The following CDH4 variants were observed in gnomAD, a reference collection of about 807,000 sequenced individuals.
The protein encoded by CDH4 is cadherin-4.
Under a neutral mutation model 86.0 loss-of-function variants are expected in CDH4, and 33 were observed. The ratio of observed to expected loss-of-function variants is 0.38; its 90% CI spans 0.29 to 0.51. The LOEUF is 0.51. Among genes scored for constraint, CDH4 ranks in the 20% least tolerant of loss-of-function variants. The probability of loss-of-function intolerance (pLI) is 0.86; values close to 1 mark genes in which losing one functional copy is unlikely to be tolerated. For synonymous variants in CDH4, 555 were observed against 549.4 expected, an observed-to-expected ratio of 1.01 and a Z score of -0.14; for missense variants, 1,114 against 1,307.4, an observed-to-expected ratio of 0.85 and a Z score of 2.28.
chr20:61,432,151 A>C (rs986197560), intron 2 of CDH4, among the ~76,000 whole-genome samples: 4 of 152,184 alleles, frequency 2.6e-5, no homozygotes, highest in African/African-American at 9.7e-5. Flanking sequence ...GGTAAATGCT[A>C]TGAAGGGAGT....
intron 4 of CDH4, among the ~76,000 whole-genome samples, chr20:61,813,835 A>G (rs1428509473): frequency 6.6e-6 from 1 of 152,178 alleles, no homozygotes; most frequent in Non-Finnish European, 1.5e-5. Flanking sequence ...CTCCAGTATA[A>G]TAGATTACCA....
At chr20:61,457,338 A>G (rs2085412836) in intron 2 of CDH4, among the ~76,000 whole-genome samples, 1 of 152,220 alleles carries the variant, frequency 6.6e-6, no homozygotes, top group African/African-American at 2.4e-5. Flanking sequence ...ATCCTCCTTC[A>G]GATAACTCTG....
intron 2 of CDH4, among the ~76,000 whole-genome samples, chr20:61,422,301 G>GTAAT (rs1054400989): frequency 6.6e-6 from 1 of 151,556 alleles, no homozygotes; most frequent in Non-Finnish European, 1.5e-5. Flanking sequence ...GTGCATGCCT[G>GTAAT]TAATCCCAGC....
chr20:61,660,848 CTT>C (rs1436573829), intron 2 of CDH4, among the ~76,000 whole-genome samples: 1 of 152,202 alleles, frequency 6.6e-6, no homozygotes, highest in Non-Finnish European at 1.5e-5. Flanking sequence ...GGAGGAGCCT[CTT>C]TGCCCGGTTT....
At chr20:61,876,937 C>T (rs1329504298) in intron 7 of CDH4, among the ~76,000 whole-genome samples, 1 of 152,142 alleles carries the variant, frequency 6.6e-6, no homozygotes, top group Non-Finnish European at 1.5e-5. Flanking sequence ...ATCTGTGGAC[C>T]CCTCTTCATA....
intron 4 of CDH4, among the ~76,000 whole-genome samples, chr20:61,808,692 C>G (rs572117791): frequency 2.0e-5 from 3 of 152,368 alleles, no homozygotes; most frequent in African/African-American, 7.2e-5. Flanking sequence ...CTGCAACTGC[C>G]TTTCCAGTGT....
rs1354983116 is a variant in CDH4 at position 61,393,257 on chromosome 20, A to G, written c.169+138320A>G. On this transcript the variant is annotated intron_variant, in intron 2 of 15. Coordinates refer to ENST00000614565, the MANE Select transcript of CDH4 (RefSeq NM_001794.5). This position sits in a 1 kb window ranked among gnomAD's most constrained non-coding sequence, Gnocchi z 4.3. The stretch of plus-strand genomic sequence containing the variant: ...AGGACCCAGTGTTCCCTCCAACAAG[A>G]GGCCATCTCACGGGCGAGCCCACAC... Among the ~76,000 whole-genome samples, 2 of 152,046 alleles carry G rather than the reference A, an allele frequency of 1.3e-5. No homozygotes were observed. Among genetic ancestry groups the G allele is most frequent in the East Asian group, 3.9e-4 (2 of 5,150 alleles).
intron 2 of CDH4, among the ~76,000 whole-genome samples, chr20:61,381,306 C>G (rs1016076439): frequency 2.6e-5 from 4 of 152,106 alleles, no homozygotes; most frequent in African/African-American, 4.8e-5. Context: ...ATCAGGGACT[C>G]AAGTTCTGAA....
intron 2 of CDH4, among the ~76,000 whole-genome samples, chr20:61,277,568 C>G (rs1236258365): frequency 6.6e-6 from 1 of 152,098 alleles, no homozygotes; most frequent in Non-Finnish European, 1.5e-5. Flanking sequence ...CTGGAACTGA[C>G]AAGCAAGGAA....
intron 11 of CDH4, 135 bp downstream of exon 11, chr20:61,924,611 G>T: frequency 1.1e-6 from 1 of 946,584 alleles, no homozygotes; most frequent in South Asian, 1.7e-5. Context: ...AGGGGCTGAG[G>T]GGGCATCTGT....
intron 2 of CDH4, among the ~76,000 whole-genome samples, chr20:61,261,925 G>A (rs2084129539): frequency 6.6e-6 from 1 of 152,244 alleles, no homozygotes; most frequent in Non-Finnish European, 1.5e-5. Flanking sequence ...TGTGATGCCA[G>A]TGGGAGCTTT....
At chr20:61,901,770 GC>G (rs1160898757) in intron 8 of CDH4, among the ~76,000 whole-genome samples, 1 of 152,226 alleles carries the variant, frequency 6.6e-6, no homozygotes. Context: ...TCCCACGCTG[GC>G]CCATGGGGTT....
At position 61,937,186 on chromosome 20, in the gene CDH4, A is replaced by G. The variant is rs930874821; in HGVS notation, c.*243A>G. ...GGACAGCAAGAGGCACTCTGTCTTC[A>G]CTTGAATTTCCTAGAACAGAAGCAC... On this transcript the variant is annotated 3_prime_UTR_variant, in exon 16 of 16. Coordinates refer to ENST00000614565, the MANE Select transcript of CDH4 (RefSeq NM_001794.5). The G allele has an allele frequency of 2.4e-5, 7 of 287,736 alleles. No homozygotes were observed. The highest frequency in any genetic ancestry group is 4.4e-5 in the Non-Finnish European group (7 of 159,124). 17.8% of individuals were successfully genotyped at this position (287,736 alleles called of 1,614,324 possible).
intron 2 of CDH4, among the ~76,000 whole-genome samples, chr20:61,583,413 G>A (rs534410534): frequency 1.3e-5 from 2 of 152,268 alleles, no homozygotes; most frequent in African/African-American, 4.8e-5. Context: ...AGAGAGCAGT[G>A]AGGAGCATCA....
chr20:61,281,210 T>C (rs1385418428), intron 2 of CDH4, among the ~76,000 whole-genome samples: 2 of 152,074 alleles, frequency 1.3e-5, no homozygotes, highest in Non-Finnish European at 2.9e-5. Flanking sequence ...GTGGTCTCAA[T>C]GTTGGAGTTC....
intron 2 of CDH4, among the ~76,000 whole-genome samples, chr20:61,574,375 C>T (rs558023079): frequency 6.6e-6 from 1 of 152,222 alleles, no homozygotes; most frequent in Non-Finnish European, 1.5e-5. Context: ...TGGACGTAGG[C>T]ATCTCACTGC....
rs1347868814 is a variant in CDH4, at chr20:61,565,218, T to TGATG, written c.170-178344_170-178343insATGG. ...TTGGTGGTGGTCGCGGTGCTCTCGG[T>TGATG]GGTAGGTGGTGGTGGTGGTGGTGGC... On this transcript the variant is annotated intron_variant, in intron 2 of 15. Coordinates refer to ENST00000614565, the MANE Select transcript of CDH4 (RefSeq NM_001794.5). Among the ~76,000 whole-genome samples, 94 of 22,008 alleles carry TGATG rather than the reference T, an allele frequency of 4.3e-3. 11 individuals are homozygous for TGATG. Among genetic ancestry groups the TGATG allele is most frequent in the African/African-American group, 0.011 (45 of 3,942 alleles). 14.4% of individuals were successfully genotyped at this position (22,008 alleles called of 152,430 possible).
chr20:61,549,991 C>T (rs1438687238), intron 2 of CDH4, among the ~76,000 whole-genome samples: 1 of 152,156 alleles, frequency 6.6e-6, no homozygotes, highest in Non-Finnish European at 1.5e-5. Context: ...TGGCACCCAT[C>T]CTCCCCGGGA....
In CDH4 at chr20:61,685,614, C is replaced by G. The variant is rs2087565283; in HGVS notation, c.170-57949C>G. ...GGTCCTAGTGACCACCACCTTATCC[C>G]AGCCTGGTCACTCAGCCTCTGTGTC... On this transcript the variant is annotated intron_variant, in intron 2 of 15. Transcript: ENST00000614565. 2.0e-5 allele frequency among the ~76,000 whole-genome samples: 3 copies of G among 152,370 alleles called. No individual in the cohort carries two copies. In the South Asian group the frequency reaches 6.2e-4, roughly 32 times the overall value.
Sources: allele counts gnomAD v4.1 joint callset (sites outside exome capture counted in the v4.1 genomes callset), GRCh38; gene constraint gnomAD v4.1.1; non-coding constraint Gnocchi (gnomAD v3.1); transcripts MANE v1.5; gene names NCBI Gene and HGNC (gene_info 2026-07-23, HGNC 2026-07-21).